PALMD: variants seen among roughly 807,000 people sequenced by gnomAD.
PALMD encodes the protein paralemmin-like protein.
Under a neutral mutation model 56.2 loss-of-function variants are expected in PALMD, and 42 were observed. The observed-to-expected ratio is 0.75, with a 90% CI of 0.58 to 0.97. PALMD has a LOEUF of 0.97. PALMD is among the 50% of genes least tolerant of loss of function. The pLI, the probability that PALMD is intolerant of heterozygous loss-of-function variation, is 0.00. For missense variants in PALMD, 660 were observed against 643.8 expected, an observed-to-expected ratio of 1.03 and a Z score of -0.27; for synonymous variants, 242 against 222.9, an observed-to-expected ratio of 1.09 and a Z score of -0.76.
At chr1:99,674,607 CA>C (rs879722756) in intron 3 of PALMD, among the ~76,000 whole-genome samples, 6,802 of 140,518 alleles carry the variant, frequency 0.048, 234 homozygotes, top group African/African-American at 0.11. Flanking sequence ...AACTCCCACC[CA>C]AAAAAAAAAA....
In PALMD at chr1:99,689,112, A is replaced by G; in HGVS notation, c.852A>G (p.Gln284=). The part of the protein sequence containing the change: ...RETVTPGPNF[Q]ERIKIKTNGL... ...CGGTGACCCCTGGACCAAACTTTCAAGAAAGGATAAAGATTAAAACTAATG... is the reference window on the plus strand; with the variant it reads ...CGGTGACCCCTGGACCAAACTTTCAGGAAAGGATAAAGATTAAAACTAATG... Residue 284 remains glutamine, a synonymous_variant, in exon 7 of 8, where the codon CAA becomes CAG. Coordinates refer to ENST00000263174, the MANE Select transcript of PALMD (RefSeq NM_017734.5). 6.2e-7 allele frequency: 1 copy of G among 1,613,690 alleles called. No homozygotes were observed. The highest frequency in any genetic ancestry group is 1.7e-5 in the Admixed American group (1 of 59,940).
intron 3 of PALMD, among the ~76,000 whole-genome samples, chr1:99,678,061 G>T (rs1653253151): frequency 6.6e-6 from 1 of 151,468 alleles, no homozygotes. Context: ...GTCACAGGTG[G>T]TCCTCCTCTC....
At chr1:99,673,314 T>C (rs1036929203) in intron 3 of PALMD, among the ~76,000 whole-genome samples, 1 of 152,218 alleles carries the variant, frequency 6.6e-6, no homozygotes, top group Non-Finnish European at 1.5e-5. Flanking sequence ...TTTAACTACC[T>C]GTGCAGGTCA....
At chr1:99,691,474 AT>A (rs1653650261) in intron 7 of PALMD, among the ~76,000 whole-genome samples, 3 of 152,174 alleles carry the variant, frequency 2.0e-5, no homozygotes, top group Admixed American at 2.0e-4. Context: ...AGAGTTCTGT[AT>A]TATCAATCAA....
chr1:99,689,309 C>T lies in PALMD; in HGVS notation c.1049C>T (p.Pro350Leu). The T allele has an allele frequency of 6.2e-7, 1 of 1,613,594 alleles. No homozygotes were observed. The highest frequency in any genetic ancestry group is 8.5e-7 in the Non-Finnish European group (1 of 1,179,812). The stretch of plus-strand genomic sequence containing the variant: ...ACCCCGCAAAAAAGGCTAATGACTC[C>T]TTGGGAAGAATCGAATGTCATGCAG... ...LHTPQKRLMTPWEESNVMQDK... is the reference protein window; with the variant it reads ...LHTPQKRLMTLWEESNVMQDK... The change falls in exon 7 of 8, where the codon CCT becomes CTT. Residue 350 changes from proline (P) to leucine (L), a missense_variant. By Grantham distance (98) the Pro-to-Leu change is moderately conservative (BLOSUM62 -3). Transcript: ENST00000263174.
At chr1:99,649,510 C>T (rs774691061) in intron 1 of PALMD, among the ~76,000 whole-genome samples, 11 of 152,132 alleles carry the variant, frequency 7.2e-5, no homozygotes, top group Non-Finnish European at 1.3e-4. Flanking sequence ...AAGGACTGAA[C>T]GTACCACTGA....
chr1:99,651,798 A>G (rs932292604), intron 1 of PALMD, among the ~76,000 whole-genome samples: 1 of 152,212 alleles, frequency 6.6e-6, no homozygotes, highest in African/African-American at 2.4e-5. Flanking sequence ...GAGAGGATTC[A>G]GTCAAGCCAC....
chr1:99,661,550 A>G (rs2100858700), intron 1 of PALMD, among the ~76,000 whole-genome samples: 1 of 152,354 alleles, frequency 6.6e-6, no homozygotes, highest in Non-Finnish European at 1.5e-5. Context: ...TCATTGAGGC[A>G]CAGAGAAGTT....
At chr1:99,667,535 C>A in intron 2 of PALMD, 107 bp from the exon 3 acceptor site, 1 of 877,860 alleles carries the variant, frequency 1.1e-6, no homozygotes, top group Non-Finnish European at 1.8e-6. Flanking sequence ...GAAAATAATT[C>A]CTCTTTAACG....
At chr1:99,682,260 G>T (rs1231937015) in intron 3 of PALMD, among the ~76,000 whole-genome samples, 5 of 152,198 alleles carry the variant, frequency 3.3e-5, no homozygotes, top group Admixed American at 2.6e-4. Flanking sequence ...TTCTACATCA[G>T]TAGGCATCTC....
At chr1:99,653,105 G>T (rs1652631750) in intron 1 of PALMD, among the ~76,000 whole-genome samples, 1 of 152,064 alleles carries the variant, frequency 6.6e-6, no homozygotes, top group Non-Finnish European at 1.5e-5. Context: ...AGACATCCTT[G>T]CATCTTTCAC....
intron 3 of PALMD, among the ~76,000 whole-genome samples, chr1:99,674,432 A>G (rs114096186): frequency 1.4e-3 from 220 of 152,252 alleles, no homozygotes; most frequent in African/African-American, 5.1e-3. Context: ...AATCATAGAA[A>G]GCTATAAATC....
intron 1 of PALMD, among the ~76,000 whole-genome samples, chr1:99,652,254 T>C (rs1311474126): frequency 6.6e-6 from 1 of 152,182 alleles, no homozygotes; most frequent in Non-Finnish European, 1.5e-5. Flanking sequence ...GACCACAGCA[T>C]CATGACAAAT....
chr1:99,667,531 A>C (rs1366275370), intron 2 of PALMD, 111 bp from the exon 3 acceptor site: 2 of 867,654 alleles, frequency 2.3e-6, no homozygotes, highest in East Asian at 4.8e-5. Context: ...GACAGAAAAT[A>C]ATTCCTCTTT....
At chr1:99,650,197 G>T (rs538034470) in intron 1 of PALMD, among the ~76,000 whole-genome samples, 2 of 145,780 alleles carry the variant, frequency 1.4e-5, no homozygotes, top group East Asian at 2.0e-4. Flanking sequence ...GCCTAGGACT[G>T]CCTCCATTTG....
Position 99,689,561 on chromosome 1 carries a change from C to G in PALMD, c.1301C>G (p.Thr434Arg). Reference protein sequence around the residue: ...EDSEEDKKFLTGYDGIIHAEL... With the variant: ...EDSEEDKKFLRGYDGIIHAEL... ...AGTGAAGAAGATAAGAAGTTTCTGACAGGATATGATGGGATCATCCATGCT... is the reference window on the plus strand; with the variant it reads ...AGTGAAGAAGATAAGAAGTTTCTGAGAGGATATGATGGGATCATCCATGCT... The change falls in exon 7 of 8, where the codon ACA becomes AGA. Residue 434 changes from threonine (T) to arginine (R), a missense_variant. Thr to Arg is a moderately conservative substitution (Grantham distance 71). Coordinates refer to ENST00000263174, the MANE Select transcript of PALMD (RefSeq NM_017734.5). 6.2e-7 allele frequency: 1 copy of G among 1,613,690 alleles called. No individual in the cohort carries two copies. Among genetic ancestry groups the G allele is most frequent in the Non-Finnish European group, 8.5e-7 (1 of 1,179,790 alleles).
At chr1:99,646,418 C>T in intron 1 of PALMD, 56 bp downstream of exon 1, 2 of 1,378,740 alleles carry the variant, frequency 1.5e-6, no homozygotes, top group African/African-American at 1.4e-5. Context: ...GAAGGCAGAC[C>T]GTGGCCGGCT....
rs201167324 is a variant in PALMD at position 99,673,495 on chromosome 1, GA to G, written c.251+5737del. Among the ~76,000 whole-genome samples the G allele has an allele frequency of 8.6e-5, 13 of 151,524 alleles. 1 individual carries two copies. The South Asian group carries it at 1.0e-3, about 12-fold the overall frequency. On this transcript the variant is annotated intron_variant, in intron 3 of 7. Transcript: ENST00000263174. ...GACAACATAAGAAAAAAAAAGAGGC[GA>G]AAAAAAACTCTACCATTTGTTTCTT...
chr1:99,688,644 T>TA (rs1421048073), intron 6 of PALMD, 131 bp from the exon 7 acceptor site: 4 of 615,132 alleles, frequency 6.5e-6, no homozygotes, highest in Non-Finnish European at 1.1e-5. Flanking sequence ...ATCAGAAATT[T>TA]AAAAAATAGA....
Sources: allele counts gnomAD v4.1 joint callset (sites outside exome capture counted in the v4.1 genomes callset), GRCh38; gene constraint gnomAD v4.1.1; transcripts MANE v1.5; gene names NCBI Gene and HGNC (gene_info 2026-07-23, HGNC 2026-07-21).